The following MRPL12 variants were observed in gnomAD, a reference collection of about 807,000 sequenced individuals.
MRPL12 encodes large ribosomal subunit protein bL12m.
MRPL12 carries 13 observed loss-of-function variants against 21.1 expected under a neutral mutation model. The observed-to-expected ratio is 0.62, with a 90% CI of 0.40 to 0.98. MRPL12 has a LOEUF of 0.98. MRPL12 is among the 50% of genes least tolerant of loss of function. The pLI is 0.00. For synonymous variants in MRPL12, 126 were observed against 115.3 expected (o/e 1.09, Z -0.60); for missense variants, 251 against 268.6 (o/e 0.93, Z 0.46).
At chr17:81,705,000 C>T (rs937927031) in intron 3 of MRPL12, among the ~76,000 whole-genome samples, 1 of 150,612 alleles carries the variant, frequency 6.6e-6, no homozygotes, top group African/African-American at 2.4e-5. Flanking sequence ...TTCGGGAGGC[C>T]GAGACGGGTG....
Position 81,703,445 on chromosome 17 carries a change from G to T in MRPL12, c.-57G>T, listed in dbSNP as rs1433643224. 8.4e-6 allele frequency: 12 copies of T among 1,433,990 alleles called. No homozygotes were observed. The highest frequency in any genetic ancestry group is 1.1e-5 in the Non-Finnish European group (12 of 1,084,638). The allele number at this position is 1,433,990 out of a possible 1,614,324, so 88.8% of individuals were successfully genotyped here. A position where few individuals can be genotyped will look rare whatever the true frequency, so the allele number is the denominator to read the frequency against. Reference sequence around the variant, plus strand: ...AGCTCGAATGCCCGGCGGCCGAGGCGGCTAGAGCGTCGCCTCCTCCCGGGG... The same window carrying T: ...AGCTCGAATGCCCGGCGGCCGAGGCTGCTAGAGCGTCGCCTCCTCCCGGGG... On this transcript the variant is annotated 5_prime_UTR_variant, in exon 1 of 5. Transcript: ENST00000333676.
At chr17:81,704,065 C>T (rs1234379567) in intron 1 of MRPL12, among the ~76,000 whole-genome samples, 179 bp from the exon 2 acceptor site, 3 of 152,168 alleles carry the variant, frequency 2.0e-5, no homozygotes, top group Non-Finnish European at 4.4e-5. Flanking sequence ...TCAATACGGA[C>T]CCCTTGAGGT....
At chr17:81,704,196 T>A (rs778983931) in intron 1 of MRPL12, 48 bp from the exon 2 acceptor site, 1 of 1,554,188 alleles carries the variant, frequency 6.4e-7, no homozygotes, top group Non-Finnish European at 8.7e-7. Context: ...CTGCAGCCCC[T>A]TCCATTCCAG....
In MRPL12 at chr17:81,703,525, C is replaced by A; in HGVS notation, c.24C>A (p.Pro8=). Reference sequence around the variant, plus strand: ...CGATGCTGCCGGCGGCCGCTCGCCCCCTGTGGGGGCCTTGCCTTGGGCTTC... The same window carrying A: ...CGATGCTGCCGGCGGCCGCTCGCCCACTGTGGGGGCCTTGCCTTGGGCTTC... The part of the protein sequence containing the change: MLPAAAR[P]LWGPCLGLRA... The change falls in exon 1 of 5, where the codon CCC becomes CCA. Residue 8 remains proline (P), a synonymous_variant. Transcript: ENST00000333676. 1 of 1,480,932 alleles carries A rather than the reference C, an allele frequency of 6.8e-7. No homozygotes were observed. The highest frequency in any genetic ancestry group is 8.9e-7 in the Non-Finnish European group (1 of 1,122,120). The allele number at this position is 1,480,932 out of a possible 1,614,324, so 91.7% of individuals were successfully genotyped here. A position where few individuals can be genotyped will look rare whatever the true frequency, so the allele number is the denominator to read the frequency against.
chr17:81,705,389 CAAA>C (rs758967615), intron 3 of MRPL12, among the ~76,000 whole-genome samples: 25 of 63,232 alleles, frequency 4.0e-4, no homozygotes, highest in South Asian at 6.3e-4. Flanking sequence ...GACCCTGTCT[CAAA>C]AAAAAAAAAA....
Position 81,707,477 on chromosome 17 carries a change from T to TGC in MRPL12, c.*238_*239dup, listed in dbSNP as rs2037326601. ...CACCAGGACGCGCCACCGGTGAATGTGCCTCTGGTGGCTGCTGAGAAAAAT... is the reference window on the plus strand; with the variant it reads ...CACCAGGACGCGCCACCGGTGAATGTGCGCCTCTGGTGGCTGCTGAGAAAAAT... On this transcript the variant is annotated 3_prime_UTR_variant, in exon 5 of 5. Transcript: ENST00000333676. 1 of 518,222 alleles carries TGC rather than the reference T, an allele frequency of 1.9e-6. No individual in the cohort carries two copies. Among genetic ancestry groups the TGC allele is most frequent in the Non-Finnish European group, 3.4e-6 (1 of 290,544 alleles). 32.1% of individuals were successfully genotyped at this position (518,222 alleles called of 1,614,324 possible).
intron 2 of MRPL12, 80 bp from the exon 3 acceptor site, chr17:81,704,553 A>C (rs1368857970): frequency 3.6e-5 from 57 of 1,577,296 alleles, no homozygotes; most frequent in Non-Finnish European, 5.0e-5. Context: ...TGCAAGGTCC[A>C]TGCCAGGCTA....
chr17:81,707,086 C>A (rs1222253266), intron 4 of MRPL12, 38 bp from the exon 5 acceptor site: 13 of 1,613,740 alleles, frequency 8.1e-6, no homozygotes, highest in Non-Finnish European at 1.1e-5. Context: ...GTTGTGGTGG[C>A]CAGGGCCCCC....
chr17:81,703,452 G>A lies in MRPL12; in HGVS notation c.-50G>A, dbSNP rs991991339. The A allele has an allele frequency of 1.4e-6, 2 of 1,450,760 alleles. No individual in the cohort carries two copies. The highest frequency in any genetic ancestry group is 1.5e-5 in the African/African-American group (1 of 67,508). The allele number at this position is 1,450,760 out of a possible 1,614,324, so 89.9% of individuals were successfully genotyped here. A position where few individuals can be genotyped will look rare whatever the true frequency, so the allele number is the denominator to read the frequency against. On this transcript the variant is annotated 5_prime_UTR_variant, in exon 1 of 5. Transcript: ENST00000333676. Reference sequence around the variant, plus strand: ...ATGCCCGGCGGCCGAGGCGGCTAGAGCGTCGCCTCCTCCCGGGGAACCGCG... The same window carrying A: ...ATGCCCGGCGGCCGAGGCGGCTAGAACGTCGCCTCCTCCCGGGGAACCGCG...
intron 1 of MRPL12, among the ~76,000 whole-genome samples, chr17:81,703,817 C>T (rs979733052): frequency 6.6e-6 from 1 of 152,240 alleles, no homozygotes; most frequent in Admixed American, 6.5e-5. Context: ...CTGCTCCTCC[C>T]TTGGCCTCAG....
intron 3 of MRPL12, among the ~76,000 whole-genome samples, chr17:81,706,677 G>T (rs1192104498): frequency 6.6e-6 from 1 of 152,192 alleles, no homozygotes; most frequent in Non-Finnish European, 1.5e-5. Flanking sequence ...CTGCACTCCA[G>T]CCTGGATGAC....
In MRPL12 at chr17:81,707,374, C is replaced by G; in HGVS notation, c.*134C>G. On this transcript the variant is annotated 3_prime_UTR_variant, in exon 5 of 5. Coordinates refer to ENST00000333676, the MANE Select transcript of MRPL12 (RefSeq NM_002949.4). ...TGGGAGAATTGCCTGCGCCACGCAG[C>G]GGGGCCGGACAGGCCGCACAGACCT... The G allele has an allele frequency of 1.1e-6, 1 of 879,084 alleles. No homozygotes were observed. The highest frequency in any genetic ancestry group is 1.7e-5 in the South Asian group (1 of 59,512). The allele number at this position is 879,084 out of a possible 1,614,324, so 54.5% of individuals were successfully genotyped here.
At chr17:81,703,788 G>T (rs1483997573) in intron 1 of MRPL12, among the ~76,000 whole-genome samples, 1 of 152,258 alleles carries the variant, frequency 6.6e-6, no homozygotes, top group Non-Finnish European at 1.5e-5. Context: ...GTCGGCCCCA[G>T]ATGACCTTGG....
At chr17:81,704,545 C>T (rs1302553226) in intron 2 of MRPL12, 88 bp from the exon 3 acceptor site, 2 of 1,573,242 alleles carry the variant, frequency 1.3e-6, no homozygotes, top group Admixed American at 1.7e-5. Flanking sequence ...TGTCCAGGTG[C>T]AAGGTCCATG....
intron 2 of MRPL12, 35 bp downstream of exon 2, chr17:81,704,465 G>A: frequency 6.3e-7 from 1 of 1,595,622 alleles, no homozygotes; most frequent in Non-Finnish European, 8.6e-7. Flanking sequence ...CCAGGGGCTG[G>A]AAGTTTCAGG....
intron 3 of MRPL12, among the ~76,000 whole-genome samples, chr17:81,705,168 G>A (rs1468155406): frequency 1.3e-5 from 2 of 151,568 alleles, no homozygotes; most frequent in Admixed American, 6.6e-5. Flanking sequence ...GCTTGAACCC[G>A]GGAGACTGTC....
Position 81,707,168 on chromosome 17 carries a change from T to C in MRPL12, c.525T>C (p.Asn175=), listed in dbSNP as rs1206998648. Residue 175 remains asparagine (N), a synonymous_variant, in exon 5 of 5, where the codon AAT becomes AAC. Transcript: ENST00000333676. ...CCCTGCCCCAGGAAATCAAAGCCAA[T>C]GTCGCCAAAGCTGAGGCGGAGAAGA... ...VESLPQEIKA[N]VAKAEAEKIK... 2 of 1,613,972 alleles carry C rather than the reference T, an allele frequency of 1.2e-6. No individual in the cohort carries two copies. Among genetic ancestry groups the C allele is most frequent in the African/African-American group, 2.7e-5 (2 of 75,032 alleles).
chr17:81,704,211 G>T, intron 1 of MRPL12, 33 bp from the exon 2 acceptor site: 1 of 1,581,346 alleles, frequency 6.3e-7, no homozygotes, highest in South Asian at 1.1e-5. Flanking sequence ...TTCCAGGACT[G>T]ACAAGTCTGT....
intron 3 of MRPL12, 29 bp from the exon 4 acceptor site, chr17:81,706,877 C>T: frequency 6.2e-7 from 1 of 1,610,868 alleles, no homozygotes; most frequent in Non-Finnish European, 8.5e-7. Context: ...CCTTTGTCAC[C>T]TGGCTCCCCT....
Sources: gnomAD v4.1 joint callset for allele counts (sites outside exome capture counted in the v4.1 genomes callset) on GRCh38, gnomAD v4.1.1 for gene constraint, MANE v1.5 for transcripts, NCBI Gene and HGNC (gene_info 2026-07-23, HGNC 2026-07-21) for gene names.